Variants in ANK2 observed in about 807,000 individuals in gnomAD.
ANK2 encodes ankyrin-2.
A neutral mutation model predicts 360.5 loss-of-function variants in ANK2; 83 were observed. The observed-to-expected ratio is 0.23, with a 90% CI of 0.19 to 0.28. The LOEUF is 0.28. ANK2 is among the 10% of genes least tolerant of loss of function. The pLI is 1.00. For missense variants in ANK2, 4,201 were observed against 4,795.7 expected (o/e 0.88, Z 3.66); for synonymous variants, 1,740 against 1,759.5 (o/e 0.99, Z 0.28).
At chr4:112,839,920 T>G (rs1157348733) in intron 1 of ANK2, among the ~76,000 whole-genome samples, 2 of 152,222 alleles carry the variant, frequency 1.3e-5, no homozygotes, top group Non-Finnish European at 2.9e-5. Flanking sequence ...AAAATGCCTA[T>G]TTGTAATCTT....
At chr4:112,784,350 A>ATT in the ANK2 span, among the ~76,000 whole-genome samples, 606 of 69,536 alleles carry the variant, frequency 8.7e-3, 37 homozygotes, top group Admixed American at 0.077. Flanking sequence ...ACCCTGACTG[A>ATT]TTTTTTTTTT....
intron 26 of ANK2, among the ~76,000 whole-genome samples, chr4:113,322,415 C>A (rs886098181): frequency 1.3e-5 from 2 of 152,208 alleles, no homozygotes; most frequent in African/African-American, 4.8e-5. Flanking sequence ...TTATTTCTAG[C>A]ATCCTAGTCA....
chr4:112,944,718 T>C (rs1405693691), intron 2 of ANK2, among the ~76,000 whole-genome samples: 1 of 152,156 alleles, frequency 6.6e-6, no homozygotes, highest in Non-Finnish European at 1.5e-5. Flanking sequence ...AAGATTAGCT[T>C]GTTTGCAATG....
chr4:113,322,717 C>CA, intron 26 of ANK2, among the ~76,000 whole-genome samples: 1 of 152,194 alleles, frequency 6.6e-6, no homozygotes, highest in Admixed American at 6.5e-5. Flanking sequence ...ATGTTGAAGG[C>CA]AATTTTGTTG....
intron 1 of ANK2, chr4:113,145,613 A>G: frequency 9.2e-7 from 1 of 1,087,838 alleles, no homozygotes; most frequent in South Asian, 2.7e-5. Flanking sequence ...TGGTAGGTGT[A>G]AAAATAGACT....
At chr4:113,222,476 A>C (rs2099162517) in intron 4 of ANK2, among the ~76,000 whole-genome samples, 1 of 148,704 alleles carries the variant, frequency 6.7e-6, no homozygotes, top group African/African-American at 2.5e-5. Context: ...GGCTCACCGC[A>C]ACCTCTGCTT....
intron 24 of ANK2, among the ~76,000 whole-genome samples, chr4:113,313,214 A>G (rs939352094): frequency 1.3e-5 from 2 of 152,238 alleles, no homozygotes; most frequent in Non-Finnish European, 2.9e-5. Context: ...AAATTTGAAT[A>G]AAGTGTAATG....
chr4:113,214,553 A>G (rs1199201969), intron 4 of ANK2: 2 of 541,080 alleles, frequency 3.7e-6, no homozygotes, highest in East Asian at 3.3e-5. Flanking sequence ...ATTCAATACC[A>G]TGAATCACAG....
At chr4:112,850,048 T>C (rs1463028857) in intron 1 of ANK2, among the ~76,000 whole-genome samples, 1 of 152,158 alleles carries the variant, frequency 6.6e-6, no homozygotes, top group African/African-American at 2.4e-5. Context: ...CTTGGGCCTT[T>C]GGATTTCAAG....
intron 1 of ANK2, among the ~76,000 whole-genome samples, chr4:113,090,846 A>G (rs2087610300): frequency 6.6e-6 from 1 of 152,190 alleles, no homozygotes; most frequent in Non-Finnish European, 1.5e-5. Context: ...CCTGGTTACC[A>G]TTATTTTCAC....
chr4:113,250,011 C>A, intron 10 of ANK2, 149 bp downstream of exon 10: 1 of 699,842 alleles, frequency 1.4e-6, no homozygotes, highest in Non-Finnish European at 2.4e-6. Flanking sequence ...TATCAAACCA[C>A]TTAAAATTAT....
At chr4:113,373,767 C>T in intron 45 of ANK2, 2 of 486,342 alleles carry the variant, frequency 4.1e-6, no homozygotes, top group South Asian at 3.3e-5. Flanking sequence ...ATTTGCTGGG[C>T]AAGCAGTATG....
chr4:113,338,651 G>A (rs1055233003), intron 31 of ANK2, among the ~76,000 whole-genome samples: 4 of 142,508 alleles, frequency 2.8e-5, no homozygotes, highest in African/African-American at 8.1e-5. Context: ...CTGGGTTCAC[G>A]CCATTCTCCT....
At chr4:112,800,621 A>G in the ANK2 span, among the ~76,000 whole-genome samples, 1 of 152,156 alleles carries the variant, frequency 6.6e-6, no homozygotes, top group Non-Finnish European at 1.5e-5. Flanking sequence ...CTGTGTTCAA[A>G]TTAAGAACCC....
At chr4:112,720,336 G>A in the ANK2 span, among the ~76,000 whole-genome samples, 1 of 152,116 alleles carries the variant, frequency 6.6e-6, no homozygotes, top group African/African-American at 2.4e-5. Flanking sequence ...AACATTACAT[G>A]TCTATAAAAG....
intron 1 of ANK2, among the ~76,000 whole-genome samples, chr4:113,123,509 A>T (rs910842573): frequency 6.6e-6 from 1 of 152,162 alleles, no homozygotes; most frequent in East Asian, 1.9e-4. Flanking sequence ...GACATTATAT[A>T]CTAAAATAAA....
intron 5 of ANK2, among the ~76,000 whole-genome samples, chr4:113,233,725 A>C (rs961585179): frequency 3.4e-5 from 5 of 146,798 alleles, no homozygotes; most frequent in African/African-American, 1.0e-4. Flanking sequence ...CTCGTTAGTT[A>C]AAAAAAAAAA....
At chr4:112,882,086 T>C in intron 1 of ANK2, 1 of 345,372 alleles carries the variant, frequency 2.9e-6, no homozygotes, top group Non-Finnish European at 5.4e-6. Context: ...GTTTCAAAGC[T>C]CAGCCCTCCC....
intron 2 of ANK2, among the ~76,000 whole-genome samples, chr4:113,183,378 G>A (rs1178926017): frequency 6.6e-6 from 1 of 152,152 alleles, no homozygotes; most frequent in African/African-American, 2.4e-5. Flanking sequence ...GGTGGCATGT[G>A]TGTGTGTTCT....
Sources: gnomAD v4.1 joint callset for allele counts (sites outside exome capture counted in the v4.1 genomes callset) on GRCh38, gnomAD v4.1.1 for gene constraint, MANE v1.5 for transcripts, NCBI Gene and HGNC (gene_info 2026-07-23, HGNC 2026-07-21) for gene names.